Variants in GLRA1 observed in about 807,000 individuals in gnomAD.
GLRA1 encodes the protein glycine receptor subunit alpha-1.
In GLRA1, 37 loss-of-function variants were observed where a neutral mutation model predicts 48.3. The ratio of observed to expected loss-of-function variants is 0.77; its 90% CI spans 0.59 to 1.01. The LOEUF is 1.01. GLRA1 is among the 50% of genes least tolerant of loss of function. The pLI is 0.00. For synonymous variants in GLRA1, 196 were observed against 210.7 expected, an observed-to-expected ratio of 0.93 and a Z score of 0.60; for missense variants, 427 against 571.0, an observed-to-expected ratio of 0.75 and a Z score of 2.57.
chr5:151,823,075 TC>T, intron 8 of GLRA1, 112 bp from the exon 9 acceptor site: 1 of 963,572 alleles, frequency 1.0e-6, no homozygotes, highest in South Asian at 1.8e-5. Flanking sequence ...CTCCCTGCTT[TC>T]CAGACTGCAT....
intron 2 of GLRA1, among the ~76,000 whole-genome samples, chr5:151,889,250 A>G (rs1336928169): frequency 6.6e-6 from 1 of 152,258 alleles, no homozygotes; most frequent in South Asian, 2.1e-4. Context: ...AGGATAATGT[A>G]TATATTTCAC....
At chr5:151,900,030 T>C (rs1754324977) in intron 1 of GLRA1, among the ~76,000 whole-genome samples, 1 of 152,190 alleles carries the variant, frequency 6.6e-6, no homozygotes, top group South Asian at 2.1e-4. Flanking sequence ...CCTAAGGAAG[T>C]CTGGTCCTCT....
chr5:151,860,072 C>G, intron 3 of GLRA1, 64 bp from the exon 4 acceptor site: 2 of 1,298,856 alleles, frequency 1.5e-6, no homozygotes, highest in South Asian at 1.2e-5. Flanking sequence ...TTTTGGAGGA[C>G]CTGGGTGCTT....
chr5:151,856,294 C>T lies in GLRA1; in HGVS notation c.559+7G>A. On this transcript the variant is annotated splice_region_variant and intron_variant, in intron 5 of 8. Transcript: ENST00000274576. ...TTCTTTCTAGAGGACTCATGCAAGA[C>T]ACTCACAGCTTTCCAGTTGCATGAT... is the stretch of plus-strand genomic sequence containing the variant. The T allele has an allele frequency of 6.3e-7, 1 of 1,594,602 alleles. No homozygotes were observed. Among genetic ancestry groups the T allele is most frequent in the Non-Finnish European group, 8.6e-7 (1 of 1,162,798 alleles).
At chr5:151,877,218 C>T (rs777193974) in intron 3 of GLRA1, among the ~76,000 whole-genome samples, 2 of 152,134 alleles carry the variant, frequency 1.3e-5, no homozygotes, top group Admixed American at 1.3e-4. Flanking sequence ...TGTGTTGATA[C>T]GGAAATGCAA....
intron 1 of GLRA1, 32 bp from the exon 2 acceptor site, chr5:151,892,470 A>G (rs1263057804): frequency 2.5e-6 from 4 of 1,612,432 alleles, no homozygotes; most frequent in Admixed American, 1.7e-5. Context: ...CAAAAGGTTA[A>G]TGATGGCTCT....
intron 1 of GLRA1, among the ~76,000 whole-genome samples, chr5:151,918,016 C>T (rs1754780444): frequency 6.6e-6 from 1 of 152,180 alleles, no homozygotes; most frequent in Non-Finnish European, 1.5e-5. Flanking sequence ...AAAAACAGCC[C>T]AATTCAAAGG....
chr5:151,871,604 A>T (rs1164965501), intron 3 of GLRA1, among the ~76,000 whole-genome samples: 1 of 145,226 alleles, frequency 6.9e-6, no homozygotes, highest in Non-Finnish European at 1.5e-5. Flanking sequence ...TCTGTCGCCC[A>T]GGCTGGAGTG....
At chr5:151,866,585 T>C (rs139547759) in intron 3 of GLRA1, among the ~76,000 whole-genome samples, 70 of 152,216 alleles carry the variant, frequency 4.6e-4, no homozygotes, top group Non-Finnish European at 9.3e-4. Context: ...AAGAACCAGA[T>C]TCTTATACCT....
intron 7 of GLRA1, among the ~76,000 whole-genome samples, chr5:151,833,818 A>G (rs1225105403): frequency 1.4e-5 from 2 of 145,822 alleles, no homozygotes; most frequent in Admixed American, 6.8e-5. Flanking sequence ...AAAAAAAAGC[A>G]GGGGTTGCAA....
chr5:151,908,154 T>C (rs1754522761), intron 1 of GLRA1, among the ~76,000 whole-genome samples: 1 of 152,206 alleles, frequency 6.6e-6, no homozygotes, highest in Admixed American at 6.5e-5. Context: ...TTCAGGCCCC[T>C]GTTCTGTAGA....
chr5:151,844,411 C>T (rs1304483358), intron 7 of GLRA1, among the ~76,000 whole-genome samples: 1 of 151,834 alleles, frequency 6.6e-6, no homozygotes, highest in East Asian at 1.9e-4. Flanking sequence ...TGCTTGAGGT[C>T]AGAAGTTCGA....
intron 7 of GLRA1, among the ~76,000 whole-genome samples, chr5:151,835,027 C>CAAAAAAAA (rs60718344): frequency 2.7e-4 from 14 of 52,522 alleles, no homozygotes; most frequent in Middle Eastern, 0.018. Context: ...GACAACATCT[C>CAAAAAAAA]AAAAAAAAAA....
chr5:151,829,051 GC>G lies in GLRA1; in HGVS notation c.928del (p.Ala310ProfsTer18). ...GCAAACTGCCATCCAAATGTCAATGGCTTTCACATAGGACACCTAGAGTGGG... is the reference window on the plus strand; with the variant it reads ...GCAAACTGCCATCCAAATGTCAATGGTTTCACATAGGACACCTAGAGTGGG... ...ASLPKVSYVKAIDIWMAVCLL... is the reference protein window; with the variant it reads ...ASLPKVSYVKXIDIWMAVCLL... On this transcript the variant is annotated frameshift_variant, in exon 8 of 9. Transcript: ENST00000274576. LOFTEE classifies it high-confidence loss of function. 6.2e-7 allele frequency: 1 copy of G among 1,614,004 alleles called. No homozygotes were observed. The highest frequency in any genetic ancestry group is 8.5e-7 in the Non-Finnish European group (1 of 1,179,932).
chr5:151,826,945 A>G (rs1047076599), intron 8 of GLRA1, among the ~76,000 whole-genome samples: 1 of 152,192 alleles, frequency 6.6e-6, no homozygotes, highest in Non-Finnish European at 1.5e-5. Context: ...AGATGAAATT[A>G]CAAAAAGCAG....
At chr5:151,898,981 T>G (rs914876700) in intron 1 of GLRA1, among the ~76,000 whole-genome samples, 1 of 152,080 alleles carries the variant, frequency 6.6e-6, no homozygotes, top group Non-Finnish European at 1.5e-5. Context: ...ATGTGTAGTT[T>G]AGAAGTGATA....
intron 7 of GLRA1, chr5:151,848,974 T>C: frequency 1.4e-6 from 1 of 711,674 alleles, no homozygotes; most frequent in South Asian, 1.4e-5. Flanking sequence ...AGGCCATGTA[T>C]GTCTGGATCG....
chr5:151,858,939 G>T (rs1753121748), intron 4 of GLRA1, among the ~76,000 whole-genome samples: 1 of 152,202 alleles, frequency 6.6e-6, no homozygotes, highest in Non-Finnish European at 1.5e-5. Flanking sequence ...GAGGGCATCA[G>T]ATTCACACTA....
chr5:151,848,698 A>T (rs748005740), intron 7 of GLRA1, among the ~76,000 whole-genome samples: 3 of 152,190 alleles, frequency 2.0e-5, no homozygotes, highest in Non-Finnish European at 4.4e-5. Flanking sequence ...TTTCCCCCTG[A>T]TGAGCTAGCT....
Sources: allele counts gnomAD v4.1 joint callset (sites outside exome capture counted in the v4.1 genomes callset), GRCh38; gene constraint gnomAD v4.1.1; transcripts MANE v1.5; gene names NCBI Gene and HGNC (gene_info 2026-07-23, HGNC 2026-07-21).